The following RHOU variants were observed in gnomAD, a reference collection of about 807,000 sequenced individuals.
RHOU encodes the protein rho-related GTP-binding protein RhoU.
Under a neutral mutation model 12.6 loss-of-function variants are expected in RHOU, and 8 were observed. The ratio of observed to expected loss-of-function variants is 0.64; its 90% CI spans 0.37 to 1.15. The LOEUF is 1.15. Among genes scored for constraint, RHOU ranks in the 50% most tolerant of loss-of-function variants. The pLI is 0.01. For synonymous variants in RHOU, 161 were observed against 147.4 expected, an observed-to-expected ratio of 1.09 and a Z score of -0.67; for missense variants, 258 against 347.0, an observed-to-expected ratio of 0.74 and a Z score of 2.04.
chr1:228,709,159 C>G, the RHOU span, among the ~76,000 whole-genome samples: 1 of 152,014 alleles, frequency 6.6e-6, no homozygotes, highest in Admixed American at 6.6e-5. Flanking sequence ...ATTCATAAAG[C>G]AAGTCCTGAG....
the RHOU span, among the ~76,000 whole-genome samples, chr1:228,696,498 T>C: frequency 6.6e-6 from 1 of 152,154 alleles, no homozygotes; most frequent in Non-Finnish European, 1.5e-5. Flanking sequence ...TAAGAACTTA[T>C]TTATTTCTCC....
the RHOU span, chr1:228,687,561 A>G: frequency 1.4e-5 from 21 of 1,554,546 alleles, no homozygotes; most frequent in Non-Finnish European, 1.8e-5. Context: ...TGACTGGGAG[A>G]GCGGGCTGAA....
the RHOU span, among the ~76,000 whole-genome samples, chr1:228,653,092 A>G: frequency 6.6e-6 from 1 of 152,218 alleles, no homozygotes; most frequent in Non-Finnish European, 1.5e-5. Flanking sequence ...TAAGGGGTTT[A>G]TAGATACTGT....
At position 228,746,310 on chromosome 1, in the gene RHOU, GAGA is replaced by G. The variant is rs559488498; in HGVS notation, c.*2574_*2576del. 22 of 152,328 alleles carry G rather than the reference GAGA, an allele frequency of 1.4e-4. No individual in the cohort carries two copies. The highest frequency in any genetic ancestry group is 1.3e-3 in the Admixed American group (20 of 15,310). 9.4% of individuals were successfully genotyped at this position (152,328 alleles called of 1,614,324 possible). On this transcript the variant is annotated 3_prime_UTR_variant, in exon 3 of 3. Transcript: ENST00000366691. ...GTTAAACTTGCAGCTTGGTATTGCA[GAGA>G]AGATTTTATAAGAATTTTGCTTTAG...
chr1:228,664,087 C>T, the RHOU span, among the ~76,000 whole-genome samples: 4 of 150,304 alleles, frequency 2.7e-5, no homozygotes, highest in African/African-American at 9.8e-5. Flanking sequence ...GGCACTATCA[C>T]GGCTCACTGC....
the RHOU span, among the ~76,000 whole-genome samples, chr1:228,707,132 A>ATATATGTG: frequency 8.3e-6 from 1 of 120,394 alleles, no homozygotes; most frequent in South Asian, 2.3e-4. Context: ...ATATACATAT[A>ATATATGTG]TATATATATA....
intron 1 of RHOU, 27 bp downstream of exon 1, chr1:228,736,031 G>A (rs756379532): frequency 8.3e-6 from 13 of 1,566,524 alleles, no homozygotes; most frequent in East Asian, 2.5e-5. Flanking sequence ...GCCGGGGCCG[G>A]GGGCGCGTGG....
the RHOU span, among the ~76,000 whole-genome samples, chr1:228,671,145 C>T: frequency 6.6e-6 from 1 of 152,192 alleles, no homozygotes; most frequent in East Asian, 1.9e-4. Flanking sequence ...GCTGGGATTA[C>T]AGGCATGCAT....
the RHOU span, among the ~76,000 whole-genome samples, chr1:228,674,085 G>A: frequency 6.6e-6 from 1 of 152,200 alleles, no homozygotes; most frequent in Admixed American, 6.5e-5. Flanking sequence ...TAGTGGAAGT[G>A]TTGTGGTTTT....
chr1:228,675,382 A>G, the RHOU span, among the ~76,000 whole-genome samples: 1 of 151,568 alleles, frequency 6.6e-6, no homozygotes, highest in African/African-American at 2.4e-5. Context: ...ACTTTTGTTT[A>G]TTTCCACAAA....
At chr1:228,717,207 G>C in the RHOU span, among the ~76,000 whole-genome samples, 1 of 152,164 alleles carries the variant, frequency 6.6e-6, no homozygotes, top group Non-Finnish European at 1.5e-5. Flanking sequence ...CTTTCAAACT[G>C]TCCAAAATGC....
the RHOU span, among the ~76,000 whole-genome samples, chr1:228,677,154 A>G: frequency 6.6e-6 from 1 of 152,210 alleles, no homozygotes; most frequent in Non-Finnish European, 1.5e-5. Flanking sequence ...GAGAGACCCA[A>G]CTGAAGAAAG....
chr1:228,724,534 C>A, the RHOU span, among the ~76,000 whole-genome samples: 3 of 151,992 alleles, frequency 2.0e-5, no homozygotes, highest in South Asian at 2.1e-4. Context: ...CTTGGCTAGT[C>A]CCCAACTCAT....
At chr1:228,716,164 T>C in the RHOU span, among the ~76,000 whole-genome samples, 1 of 152,264 alleles carries the variant, frequency 6.6e-6, no homozygotes, top group Non-Finnish European at 1.5e-5. Flanking sequence ...GCGATCCTCC[T>C]GCATTGGTCT....
the RHOU span, among the ~76,000 whole-genome samples, chr1:228,697,517 G>A: frequency 2.0e-5 from 3 of 152,142 alleles, no homozygotes; most frequent in African/African-American, 7.2e-5. Context: ...ACTTCTCTAG[G>A]GCAGTGCAGA....
At chr1:228,742,319 T>G (rs892924642) in intron 2 of RHOU, among the ~76,000 whole-genome samples, 1 of 152,260 alleles carries the variant, frequency 6.6e-6, no homozygotes, top group African/African-American at 2.4e-5. Context: ...TCCCCTCGCC[T>G]GCCACTGTGC....
chr1:228,721,547 G>A, the RHOU span, among the ~76,000 whole-genome samples: 1 of 152,340 alleles, frequency 6.6e-6, no homozygotes, highest in Non-Finnish European at 1.5e-5. Context: ...ACTCCAGGCA[G>A]TCTGTTTACC....
the RHOU span, among the ~76,000 whole-genome samples, chr1:228,721,463 T>C: frequency 6.6e-6 from 1 of 152,362 alleles, no homozygotes; most frequent in African/African-American, 2.4e-5. Context: ...GTTTCATTAT[T>C]AGTCAAAGCC....
At chr1:228,742,193 A>C (rs1309343070) in intron 2 of RHOU, among the ~76,000 whole-genome samples, 1 of 152,248 alleles carries the variant, frequency 6.6e-6, no homozygotes, top group African/African-American at 2.4e-5. Context: ...ATTTTTCTAC[A>C]AAAGAGTTGA....
Sources: allele counts gnomAD v4.1 joint callset (sites outside exome capture counted in the v4.1 genomes callset), GRCh38; gene constraint gnomAD v4.1.1; transcripts MANE v1.5; gene names NCBI Gene and HGNC (gene_info 2026-07-23, HGNC 2026-07-21).